TYW1: variants seen among roughly 807,000 people sequenced by gnomAD.
TYW1 encodes the protein S-adenosyl-L-methionine-dependent tRNA 4-demethylwyosine synthase TYW1.
In TYW1, 46 loss-of-function variants were observed where a neutral mutation model predicts 96.2. The ratio of observed to expected loss-of-function variants is 0.48; its 90% CI spans 0.38 to 0.61. The LOEUF is 0.61. TYW1 is among the 20% of genes least tolerant of loss of function. The pLI is 0.00. For missense variants in TYW1, 684 were observed against 909.6 expected, an observed-to-expected ratio of 0.75 and a Z score of 3.19; for synonymous variants, 274 against 323.0, an observed-to-expected ratio of 0.85 and a Z score of 1.63.
Position 67,238,447 on chromosome 7 carries a change from T to C in TYW1, c.2117T>C (p.Phe706Ser). The C allele has an allele frequency of 6.2e-7, 1 of 1,613,990 alleles. No individual in the cohort carries two copies. The highest frequency in any genetic ancestry group is 8.5e-7 in the Non-Finnish European group (1 of 1,179,874). ...GCCAGAACTCCTCACTGGGCATTAT[T>C]TGGTGCCAGTGAAAGAGGCTTTGAT... ...YMARTPHWAL[F>S]GASERGFDPK... Residue 706 changes from phenylalanine to serine, a missense_variant, in exon 16 of 16, where the codon TTT becomes TCT. Physicochemically the swap from Phe to Ser is radical, Grantham distance 155 (BLOSUM62 -2). Transcript: ENST00000359626.
intron 12 of TYW1, among the ~76,000 whole-genome samples, chr7:67,114,650 T>C (rs1797534250): frequency 6.6e-6 from 1 of 152,212 alleles, no homozygotes; most frequent in Non-Finnish European, 1.5e-5. Context: ...ATTATTATGA[T>C]GATTTTGATG....
intron 13 of TYW1, among the ~76,000 whole-genome samples, chr7:67,128,621 C>T (rs2036711486): frequency 6.6e-6 from 1 of 151,338 alleles, no homozygotes; most frequent in African/African-American, 2.4e-5. Flanking sequence ...CTCACTAGAC[C>T]TTTAATAATG....
At chr7:67,119,803 T>C in intron 13 of TYW1, among the ~76,000 whole-genome samples, 1 of 152,274 alleles carries the variant, frequency 6.6e-6, no homozygotes, top group African/African-American at 2.4e-5. Flanking sequence ...CATTTTTTTC[T>C]TGGAGACTGG....
chr7:67,012,254 A>G (rs1271824218), intron 4 of TYW1, among the ~76,000 whole-genome samples: 1 of 152,094 alleles, frequency 6.6e-6, no homozygotes. Context: ...AGGCTGAGGC[A>G]TGAGAATTGC....
chr7:67,237,460 A>C (rs1362076028), intron 15 of TYW1, among the ~76,000 whole-genome samples: 1 of 150,440 alleles, frequency 6.6e-6, no homozygotes, highest in Non-Finnish European at 1.5e-5. Flanking sequence ...AGATCAGGCC[A>C]CTACACTCCA....
intron 10 of TYW1, among the ~76,000 whole-genome samples, chr7:67,075,884 CTT>C (rs1172127936): frequency 6.6e-6 from 1 of 152,210 alleles, no homozygotes; most frequent in Non-Finnish European, 1.5e-5. Context: ...TAAATAGTAA[CTT>C]CTCTTAGAAG....
chr7:67,012,034 G>C (rs1439031282), intron 4 of TYW1, among the ~76,000 whole-genome samples: 1 of 151,914 alleles, frequency 6.6e-6, no homozygotes, highest in Admixed American at 6.6e-5. Context: ...GAGTGTGGCT[G>C]TGTTGCACTA....
chr7:67,167,490 AAAAAG>A (rs1480181145), intron 13 of TYW1, among the ~76,000 whole-genome samples: 4 of 145,474 alleles, frequency 2.7e-5, no homozygotes, highest in Admixed American at 1.4e-4. Context: ...AAAAAAAAAA[AAAAAG>A]GAAAGTCATG....
chr7:67,198,674 C>G (rs1800487892), intron 15 of TYW1, among the ~76,000 whole-genome samples: 1 of 152,172 alleles, frequency 6.6e-6, no homozygotes. Context: ...TCATTTGCAA[C>G]CTTTTAAAAA....
intron 4 of TYW1, 89 bp from the exon 5 acceptor site, chr7:67,014,278 A>G: frequency 6.7e-7 from 1 of 1,486,936 alleles, no homozygotes; most frequent in Non-Finnish European, 9.0e-7. Context: ...TTGTTCTTTG[A>G]GATGAGTATG....
In TYW1 at chr7:67,012,918, A is replaced by C. The variant is rs529283627; in HGVS notation, c.376-1449A>C. ...AAAAAAAAAAACCAAAACAGAAAAA[A>C]ACCTCTAAAATCCAAAAAACTTCCC... On this transcript the variant is annotated intron_variant, in intron 4 of 15. Transcript: ENST00000359626. 6.2e-4 allele frequency among the ~76,000 whole-genome samples: 94 copies of C among 151,758 alleles called. 1 individual carries two copies. Among genetic ancestry groups the C allele is most frequent in the Non-Finnish European group, 9.0e-4 (61 of 67,902 alleles).
At chr7:67,010,204 C>G (rs1289133949) in intron 4 of TYW1, among the ~76,000 whole-genome samples, 2 of 152,024 alleles carry the variant, frequency 1.3e-5, no homozygotes, top group African/African-American at 4.8e-5. Context: ...ACCATGTTGG[C>G]CAGGCTGGTC....
intron 13 of TYW1, among the ~76,000 whole-genome samples, chr7:67,163,684 T>C (rs1205263096): frequency 1.3e-5 from 2 of 151,762 alleles, no homozygotes; most frequent in South Asian, 4.2e-4. Flanking sequence ...TTTTTTTTTT[T>C]CTGAGACAGA....
intron 14 of TYW1, among the ~76,000 whole-genome samples, chr7:67,192,540 G>A (rs1283480298): frequency 2.6e-5 from 4 of 152,060 alleles, no homozygotes; most frequent in African/African-American, 9.7e-5. Context: ...TTTAAATTGA[G>A]GTAGAGTACA....
At chr7:67,097,876 T>C (rs1481073368) in intron 11 of TYW1, among the ~76,000 whole-genome samples, 1 of 151,230 alleles carries the variant, frequency 6.6e-6, no homozygotes, top group Non-Finnish European at 1.5e-5. Context: ...TTTTTTTTAA[T>C]TTTTAGTAGT....
intron 13 of TYW1, among the ~76,000 whole-genome samples, chr7:67,119,763 G>A (rs1232386787): frequency 1.3e-5 from 2 of 152,020 alleles, no homozygotes; most frequent in Non-Finnish European, 2.9e-5. Flanking sequence ...GTCTAGCATA[G>A]TACACTTTAA....
intron 13 of TYW1, among the ~76,000 whole-genome samples, chr7:67,151,946 AC>A (rs1798818377): frequency 1.3e-5 from 2 of 152,046 alleles, no homozygotes; most frequent in Non-Finnish European, 1.5e-5. Flanking sequence ...AGCTGGGACC[AC>A]AGGCATGCAC....
chr7:67,146,396 T>C (rs1193923677), intron 13 of TYW1, among the ~76,000 whole-genome samples: 1 of 151,646 alleles, frequency 6.6e-6, no homozygotes, highest in East Asian at 1.9e-4. Flanking sequence ...GCTTAATATC[T>C]GGTAAAGATT....
At chr7:67,218,708 A>C (rs1438997010) in intron 15 of TYW1, among the ~76,000 whole-genome samples, 1 of 152,032 alleles carries the variant, frequency 6.6e-6, no homozygotes, top group East Asian at 1.9e-4. Context: ...CAGATTGTTC[A>C]TTATTAGTAT....
Sources: gnomAD v4.1 joint callset for allele counts (sites outside exome capture counted in the v4.1 genomes callset) on GRCh38, gnomAD v4.1.1 for gene constraint, MANE v1.5 for transcripts, NCBI Gene and HGNC (gene_info 2026-07-23, HGNC 2026-07-21) for gene names.